Variants in PTPN4 observed in about 807,000 individuals in gnomAD.
PTPN4 encodes the protein protein tyrosine phosphatase non-receptor type 4, also known as tyrosine-protein phosphatase non-receptor type 4.
In PTPN4, 49 loss-of-function variants were observed where a neutral mutation model predicts 135.5. The observed-to-expected ratio is 0.36, with a 90% CI of 0.29 to 0.46. PTPN4 has a LOEUF of 0.46. Ranked by LOEUF, PTPN4 falls within the 20% of genes least tolerant of loss-of-function variation. The pLI, the probability that PTPN4 is intolerant of heterozygous loss-of-function variation, is 1.00. For missense variants in PTPN4, 860 were observed against 1,101.0 expected, an observed-to-expected ratio of 0.78 and a Z score of 3.10; for synonymous variants, 333 against 369.9, an observed-to-expected ratio of 0.90 and a Z score of 1.14.
At chr2:119,764,216 A>G (rs1421735337) in intron 1 of PTPN4, among the ~76,000 whole-genome samples, 2 of 152,218 alleles carry the variant, frequency 1.3e-5, no homozygotes. Flanking sequence ...ACTGTTCGGC[A>G]AAAACATTGT....
intron 9 of PTPN4, among the ~76,000 whole-genome samples, chr2:119,891,793 T>G (rs1387137300): frequency 6.6e-6 from 1 of 152,262 alleles, no homozygotes; most frequent in Non-Finnish European, 1.5e-5. Flanking sequence ...CTTTTCTTTT[T>G]GATTAAGATC....
rs568300635 is a variant in PTPN4, at chr2:119,951,541, A to T, written c.1657-432A>T. Among the ~76,000 whole-genome samples the T allele has an allele frequency of 5.9e-5, 9 of 152,336 alleles. No homozygotes were observed. In the South Asian group the frequency reaches 1.9e-3, roughly 32 times the overall value. ...TGGCCACTGATGATGATGTGTGTCT[A>T]TTATTTATGTAGTGATTTTTGTGTA... On this transcript the variant is annotated intron_variant, in intron 18 of 26. Transcript: ENST00000263708.
chr2:119,921,137 A>G (rs1444885035), intron 12 of PTPN4, among the ~76,000 whole-genome samples: 1 of 152,002 alleles, frequency 6.6e-6, no homozygotes, highest in African/African-American at 2.4e-5. Flanking sequence ...AAAACAAAAA[A>G]TTAGCTGGCT....
chr2:119,855,476 A>T (rs993948646), intron 2 of PTPN4, among the ~76,000 whole-genome samples: 1 of 152,096 alleles, frequency 6.6e-6, no homozygotes, highest in Non-Finnish European at 1.5e-5. Flanking sequence ...ACACCGGCAG[A>T]TTTTTCTCAT....
chr2:119,948,377 T>G (rs1349055869), intron 18 of PTPN4, among the ~76,000 whole-genome samples: 2 of 152,086 alleles, frequency 1.3e-5, no homozygotes, highest in Non-Finnish European at 2.9e-5. Flanking sequence ...TTCTTAACAG[T>G]CTTATAAACC....
chr2:119,903,906 T>C (rs936102149), intron 10 of PTPN4, among the ~76,000 whole-genome samples: 2 of 152,160 alleles, frequency 1.3e-5, no homozygotes, highest in Non-Finnish European at 2.9e-5. Context: ...CCTCTGACAC[T>C]GATTAGAGCC....
intron 14 of PTPN4, among the ~76,000 whole-genome samples, chr2:119,934,004 T>C (rs1047831382): frequency 6.6e-6 from 1 of 152,208 alleles, no homozygotes; most frequent in Non-Finnish European, 1.5e-5. Context: ...TAGCAAGTTA[T>C]AGAAAATAAT....
intron 18 of PTPN4, among the ~76,000 whole-genome samples, chr2:119,947,779 C>CACACAT (rs1336243268): frequency 1.3e-5 from 2 of 151,568 alleles, no homozygotes; most frequent in Admixed American, 1.3e-4. Flanking sequence ...CACACACACA[C>CACACAT]ACACACACAC....
chr2:119,920,718 A>T (rs1678724419), intron 12 of PTPN4, among the ~76,000 whole-genome samples: 2 of 152,242 alleles, frequency 1.3e-5, no homozygotes, highest in Admixed American at 6.5e-5. Flanking sequence ...GTCATTGAAC[A>T]GTAACCCCAG....
At chr2:119,815,737 T>C (rs1270702357) in intron 2 of PTPN4, among the ~76,000 whole-genome samples, 3 of 152,202 alleles carry the variant, frequency 2.0e-5, no homozygotes, top group Non-Finnish European at 2.9e-5. Context: ...TGGAGTATAA[T>C]TCAAAAATAG....
intron 2 of PTPN4, among the ~76,000 whole-genome samples, chr2:119,823,297 C>T (rs1470480075): frequency 3.3e-5 from 5 of 150,580 alleles, no homozygotes; most frequent in Non-Finnish European, 4.4e-5. Context: ...TGCAGTGGCT[C>T]GATCTCCGCT....
chr2:119,861,534 C>T (rs1378586462), intron 2 of PTPN4, among the ~76,000 whole-genome samples: 1 of 152,128 alleles, frequency 6.6e-6, no homozygotes, highest in East Asian at 1.9e-4. Flanking sequence ...GTTAAGATGC[C>T]AGAGTAGTTG....
chr2:119,851,213 G>C (rs1004756794), intron 2 of PTPN4, among the ~76,000 whole-genome samples: 1 of 152,106 alleles, frequency 6.6e-6, no homozygotes, highest in Non-Finnish European at 1.5e-5. Flanking sequence ...TGTTGTTACC[G>C]GTGGAAGGTG....
intron 2 of PTPN4, among the ~76,000 whole-genome samples, chr2:119,832,583 G>A (rs952012443): frequency 2.4e-4 from 36 of 151,966 alleles, no homozygotes; most frequent in African/African-American, 8.5e-4. Context: ...TCTGTATGAT[G>A]TGAAATAAGA....
At chr2:119,763,446 C>A (rs1428070722) in intron 1 of PTPN4, among the ~76,000 whole-genome samples, 1 of 152,046 alleles carries the variant, frequency 6.6e-6, no homozygotes, top group Admixed American at 6.5e-5. Context: ...GTATAAGGGG[C>A]TTTTCATGTT....
intron 22 of PTPN4, among the ~76,000 whole-genome samples, chr2:119,960,528 C>A (rs1235909293): frequency 6.6e-6 from 1 of 152,162 alleles, no homozygotes; most frequent in African/African-American, 2.4e-5. Context: ...GTAATCTCAG[C>A]ACTTTGGGAG....
intron 2 of PTPN4, among the ~76,000 whole-genome samples, chr2:119,812,484 C>T (rs1000734989): frequency 3.2e-4 from 49 of 152,084 alleles, no homozygotes; most frequent in Non-Finnish European, 7.2e-4. Flanking sequence ...TCATCAAAGC[C>T]GTTTCTGTAT....
chr2:119,832,002 C>T (rs1353485877), intron 2 of PTPN4, among the ~76,000 whole-genome samples: 1 of 152,088 alleles, frequency 6.6e-6, no homozygotes, highest in Non-Finnish European at 1.5e-5. Context: ...TTTTTCTTTG[C>T]CATTCTATGT....
chr2:119,893,479 A>G (rs906726465), intron 9 of PTPN4, among the ~76,000 whole-genome samples: 1 of 152,250 alleles, frequency 6.6e-6, no homozygotes, highest in Non-Finnish European at 1.5e-5. Context: ...AATTCAATTT[A>G]TAGACCTGGA....
Sources: gnomAD v4.1 joint callset for allele counts (sites outside exome capture counted in the v4.1 genomes callset) on GRCh38, gnomAD v4.1.1 for gene constraint, MANE v1.5 for transcripts, NCBI Gene and HGNC (gene_info 2026-07-23, HGNC 2026-07-21) for gene names.